Variants in VWA3B observed in about 807,000 individuals in gnomAD.
VWA3B encodes the protein von Willebrand factor A domain-containing protein 3B.
A neutral mutation model predicts 158.3 loss-of-function variants in VWA3B; 138 were observed. The observed-to-expected ratio is 0.87, with a 90% CI of 0.76 to 1.00. VWA3B has a LOEUF of 1.00. Among genes scored for constraint, VWA3B ranks in the 50% least tolerant of loss-of-function variants. VWA3B has a pLI of 0.00. For synonymous variants in VWA3B, 596 were observed against 587.3 expected (o/e 1.01, Z -0.21); for missense variants, 1,555 against 1,565.1 (o/e 0.99, Z 0.11).
intron 2 of VWA3B, among the ~76,000 whole-genome samples, chr2:98,108,241 A>C (rs1369432344): frequency 6.6e-6 from 1 of 152,058 alleles, no homozygotes; most frequent in Non-Finnish European, 1.5e-5. Context: ...GTTTGGTTTC[A>C]GTTCTTGTAA....
At chr2:98,309,157 G>T (rs1336353249) in intron 26 of VWA3B, among the ~76,000 whole-genome samples, 1 of 145,054 alleles carries the variant, frequency 6.9e-6, no homozygotes, top group African/African-American at 2.6e-5. Context: ...GCGACAGAGC[G>T]AGACTCTGTC....
At position 98,256,146 on chromosome 2, in the gene VWA3B, C is replaced by G; in HGVS notation, c.2815C>G (p.Arg939Gly). The part of the protein sequence containing the change: ...YEKRLNKIVW[R>G]ALSQEEKEKL... ...CAGGCGCTTGAATAAAATTGTTTGG[C>G]GAGCATTATCTCAAGAGGAAAAAGA... The change falls in exon 21 of 28, where the codon CGA becomes GGA. Residue 939 changes from arginine (R) to glycine (G), a missense_variant. Coordinates refer to ENST00000477737, the MANE Select transcript of VWA3B (RefSeq NM_144992.5). The G allele has an allele frequency of 6.2e-7, 1 of 1,612,214 alleles. No individual in the cohort carries two copies.
At chr2:98,202,039 A>G (rs1574066382) in intron 12 of VWA3B, among the ~76,000 whole-genome samples, 2 of 152,344 alleles carry the variant, frequency 1.3e-5, no homozygotes, top group East Asian at 3.9e-4. Context: ...AATATGGGTT[A>G]GAAAATATTC....
At chr2:98,170,161 A>T (rs115976819) in intron 8 of VWA3B, among the ~76,000 whole-genome samples, 51 of 152,226 alleles carry the variant, frequency 3.4e-4, no homozygotes, top group Middle Eastern at 3.4e-3. Flanking sequence ...TCAATCAATC[A>T]ATGAATAGAA....
Position 98,270,665 on chromosome 2 carries a change from G to C in VWA3B, c.2844-17G>C, listed in dbSNP as rs1463476130. On this transcript the variant is annotated splice_polypyrimidine_tract_variant and intron_variant, in intron 21 of 27. Coordinates refer to ENST00000477737, the MANE Select transcript of VWA3B (RefSeq NM_144992.5). ...TGTTTCTTCCTCTGTTTGTTTGTTT[G>C]TTTCTTTGTTTTTTAGGTTAGATGC... 6.2e-6 allele frequency: 10 copies of C among 1,601,598 alleles called. No homozygotes were observed. In the South Asian group the frequency reaches 6.8e-5, roughly 11 times the overall value.
chr2:98,168,376 T>TACAC (rs148619678), intron 8 of VWA3B, among the ~76,000 whole-genome samples: 40,553 of 145,440 alleles, frequency 0.28, 6,483 homozygotes, highest in East Asian at 0.49. Flanking sequence ...TACACACACA[T>TACAC]ACACACACAC....
intron 20 of VWA3B, among the ~76,000 whole-genome samples, chr2:98,251,174 A>G (rs1686780271): frequency 6.6e-6 from 1 of 152,154 alleles, no homozygotes; most frequent in Non-Finnish European, 1.5e-5. Context: ...TAGGCACTGC[A>G]TCAAGTACTT....
chr2:98,102,846 C>T (rs146390296), intron 2 of VWA3B, among the ~76,000 whole-genome samples: 14 of 152,162 alleles, frequency 9.2e-5, no homozygotes, highest in Admixed American at 2.6e-4. Context: ...TTTATCTGGG[C>T]CTAGTTTTGT....
chr2:98,248,018 T>C (rs1244469641), intron 19 of VWA3B, among the ~76,000 whole-genome samples: 3 of 152,120 alleles, frequency 2.0e-5, no homozygotes, highest in African/African-American at 4.8e-5. Flanking sequence ...AGTTCTTTTT[T>C]AAAAATTTTG....
intron 5 of VWA3B, among the ~76,000 whole-genome samples, chr2:98,122,322 T>C (rs1290470464): frequency 6.6e-6 from 1 of 152,192 alleles, no homozygotes; most frequent in African/African-American, 2.4e-5. Context: ...CTGGGGTTTC[T>C]GTAGGTTTCA....
At position 98,217,886 on chromosome 2, in the gene VWA3B, A is replaced by C. The variant is rs774333761; in HGVS notation, c.1877A>C (p.Glu626Ala). 1.9e-6 allele frequency: 3 copies of C among 1,611,454 alleles called. No homozygotes were observed. Among genetic ancestry groups the C allele is most frequent in the Non-Finnish European group, 2.5e-6 (3 of 1,179,034 alleles). The change falls in exon 14 of 28, where the codon GAA becomes GCA. Residue 626 changes from glutamate (E) to alanine (A), a missense_variant. Transcript: ENST00000477737. ...ATAGACCAGGTCAAACGTTTTCAGG[A>C]AATTCCTATTTATACCATCTCCTTC... ...TVIDQVKRFQ[E>A]IPIYTISFNY... is the part of the protein sequence containing the mutation.
intron 22 of VWA3B, among the ~76,000 whole-genome samples, chr2:98,280,352 G>C (rs1688799249): frequency 7.1e-6 from 1 of 140,572 alleles, no homozygotes; most frequent in African/African-American, 2.5e-5. Context: ...AGAAAAGAAA[G>C]AGAGAGAGAG....
intron 23 of VWA3B, among the ~76,000 whole-genome samples, chr2:98,295,499 G>A (rs921458784): frequency 3.9e-5 from 6 of 152,164 alleles, no homozygotes; most frequent in African/African-American, 1.4e-4. Flanking sequence ...GCTGAATACA[G>A]GACAACCCCG....
intron 1 of VWA3B, among the ~76,000 whole-genome samples, chr2:98,089,125 T>C (rs1682087173): frequency 1.3e-5 from 2 of 152,110 alleles, no homozygotes; most frequent in Admixed American, 6.5e-5. Flanking sequence ...ATTAGCCTTA[T>C]TAACACTGTG....
intron 15 of VWA3B, among the ~76,000 whole-genome samples, chr2:98,229,544 G>C (rs1685182984): frequency 6.6e-6 from 1 of 152,230 alleles, no homozygotes; most frequent in African/African-American, 2.4e-5. Flanking sequence ...CTCCAGAATG[G>C]TTCCCTGGGA....
At chr2:98,181,351 C>T (rs1192963915) in intron 9 of VWA3B, 139 bp downstream of exon 9, 6 of 867,016 alleles carry the variant, frequency 6.9e-6, no homozygotes, top group Non-Finnish European at 1.1e-5. Flanking sequence ...AACAGGGTTC[C>T]TCTGTTTCCC....
At chr2:98,154,491 C>A (rs886370327) in intron 7 of VWA3B, among the ~76,000 whole-genome samples, 1 of 152,136 alleles carries the variant, frequency 6.6e-6, no homozygotes, top group South Asian at 2.1e-4. Context: ...GGAGAGTAAG[C>A]CCCTAAGCCC....
chr2:98,289,782 C>T (rs1689379831), intron 22 of VWA3B, among the ~76,000 whole-genome samples: 1 of 152,174 alleles, frequency 6.6e-6, no homozygotes, highest in African/African-American at 2.4e-5. Flanking sequence ...CTGGTGTAGT[C>T]TTTGCTCTCC....
intron 11 of VWA3B, among the ~76,000 whole-genome samples, chr2:98,193,977 A>G (rs1378030587): frequency 6.6e-6 from 1 of 152,198 alleles, no homozygotes; most frequent in Non-Finnish European, 1.5e-5. Flanking sequence ...TACCTAAAAG[A>G]GAATGACTGA....
Sources: gnomAD v4.1 joint callset for allele counts (sites outside exome capture counted in the v4.1 genomes callset) on GRCh38, gnomAD v4.1.1 for gene constraint, MANE v1.5 for transcripts, NCBI Gene and HGNC (gene_info 2026-07-23, HGNC 2026-07-21) for gene names.